ANK3: variants seen among roughly 807,000 people sequenced by gnomAD.
ANK3 encodes ankyrin-3.
Under a neutral mutation model 370.9 loss-of-function variants are expected in ANK3, and 57 were observed. The ratio of observed to expected loss-of-function variants is 0.15; its 90% CI spans 0.12 to 0.19. The LOEUF (loss-of-function observed/expected upper bound fraction) is 0.19. Among genes scored for constraint, ANK3 ranks in the 10% least tolerant of loss-of-function variants. The pLI is 1.00. For missense variants in ANK3, 4,439 were observed against 5,302.1 expected, an observed-to-expected ratio of 0.84 and a Z score of 5.06; for synonymous variants, 1,929 against 1,946.3, an observed-to-expected ratio of 0.99 and a Z score of 0.23.
At chr10:60,050,552 G>GGTTACTTGA (rs1326039682) in intron 42 of ANK3, 2 of 152,146 alleles carry the variant, frequency 1.3e-5, no homozygotes. Flanking sequence ...TTTCTCTCTA[G>GGTTACTTGA]GGCAGTAACC....
intron 1 of ANK3, among the ~76,000 whole-genome samples, chr10:60,671,942 C>A (rs1338451687): frequency 2.0e-5 from 3 of 152,252 alleles, no homozygotes; most frequent in Admixed American, 1.3e-4. Context: ...TAACTGCAGT[C>A]CCAGCTGACA....
At chr10:60,224,924 C>CTT (rs138030293) in intron 8 of ANK3, among the ~76,000 whole-genome samples, 5 of 139,890 alleles carry the variant, frequency 3.6e-5, no homozygotes, top group South Asian at 2.3e-4. Context: ...TTTTTTTTTT[C>CTT]TTTTTTTTTG....
At chr10:60,175,344 C>G (rs1194767979) in intron 18 of ANK3, among the ~76,000 whole-genome samples, 6 of 152,184 alleles carry the variant, frequency 3.9e-5, no homozygotes, top group African/African-American at 1.2e-4. Flanking sequence ...CATTCCCATA[C>G]AAAATAGCAC....
chr10:60,371,206 C>T (rs1429011115), intron 1 of ANK3, among the ~76,000 whole-genome samples: 1 of 152,072 alleles, frequency 6.6e-6, no homozygotes, highest in Admixed American at 6.6e-5. Flanking sequence ...GGTAGATGTG[C>T]CCCTTCATAA....
intron 35 of ANK3, among the ~76,000 whole-genome samples, chr10:60,080,903 A>T (rs1000587046): frequency 8.5e-5 from 13 of 152,346 alleles, no homozygotes; most frequent in African/African-American, 3.1e-4. Flanking sequence ...GGAACTGTTC[A>T]TATTGAAAGC....
At chr10:60,195,777 C>T (rs1263617113) in intron 16 of ANK3, among the ~76,000 whole-genome samples, 9 of 152,148 alleles carry the variant, frequency 5.9e-5, no homozygotes, top group Admixed American at 5.9e-4. Flanking sequence ...AAATAAACAA[C>T]TTGAAGGCAA....
chr10:60,501,705 C>CAAAAAA (rs376934079), intron 2 of ANK3, among the ~76,000 whole-genome samples: 6 of 79,566 alleles, frequency 7.5e-5, no homozygotes, highest in African/African-American at 1.0e-4. Flanking sequence ...GACTCTGTCT[C>CAAAAAA]AAAAAAAAAA....
intron 1 of ANK3, among the ~76,000 whole-genome samples, chr10:60,660,167 G>A (rs1023847324): frequency 6.6e-6 from 1 of 152,072 alleles, no homozygotes; most frequent in African/African-American, 2.4e-5. Flanking sequence ...ATTTTGAGCT[G>A]TGTCAGAATA....
chr10:60,460,282 A>G (rs2133056109), intron 2 of ANK3, among the ~76,000 whole-genome samples: 1 of 152,300 alleles, frequency 6.6e-6, no homozygotes, highest in African/African-American at 2.4e-5. Flanking sequence ...AGAGGCAGAT[A>G]CAATGACTCA....
chr10:60,051,459 T>G (rs1589267759), intron 42 of ANK3: 1 of 980,306 alleles, frequency 1.0e-6, no homozygotes, highest in Non-Finnish European at 1.2e-6. Flanking sequence ...CACATAATGA[T>G]CCAGCTACAG....
intron 28 of ANK3, among the ~76,000 whole-genome samples, chr10:60,097,200 T>A (rs905552615): frequency 2.6e-5 from 4 of 152,134 alleles, no homozygotes; most frequent in African/African-American, 9.7e-5. Context: ...ATTTAGCTCG[T>A]CAGTTTTAGA....
intron 2 of ANK3, among the ~76,000 whole-genome samples, chr10:60,436,162 T>C (rs983748680): frequency 6.6e-6 from 1 of 152,268 alleles, no homozygotes; most frequent in Non-Finnish European, 1.5e-5. Context: ...CTAGTCCTTT[T>C]AACAGCTGAA....
At chr10:60,155,408 C>G (rs76305242) in intron 23 of ANK3, among the ~76,000 whole-genome samples, 1,981 of 152,278 alleles carry the variant, frequency 0.013, 51 homozygotes, top group African/African-American at 0.045. Flanking sequence ...GAATCCTCCA[C>G]CCCAGCAAGA....
Position 60,063,262 on chromosome 10 carries a change from G to A in ANK3, c.12452-8C>T. ...CCGAAGTTAAGGCATCAGCTGAAAA[G>A]GAGAAAAAAAGGTTGAAAACCCAAT... is the stretch of plus-strand genomic sequence containing the variant. On this transcript the variant is annotated splice_polypyrimidine_tract_variant and splice_region_variant and intron_variant, in intron 39 of 43. Transcript: ENST00000280772. The A allele has an allele frequency of 6.3e-7, 1 of 1,598,972 alleles. No homozygotes were observed. The highest frequency in any genetic ancestry group is 8.5e-7 in the Non-Finnish European group (1 of 1,174,382).
intron 23 of ANK3, among the ~76,000 whole-genome samples, chr10:60,150,845 C>CAT (rs987961608): frequency 1.5e-4 from 23 of 151,888 alleles, no homozygotes; most frequent in Admixed American, 3.3e-4. Flanking sequence ...AAATAAACCT[C>CAT]ATATATATAT....
chr10:60,213,528 C>T lies in ANK3; in HGVS notation c.898-18G>A. The T allele has an allele frequency of 6.6e-7, 1 of 1,526,312 alleles. No individual in the cohort carries two copies. The highest frequency in any genetic ancestry group is 9.0e-7 in the Non-Finnish European group (1 of 1,113,906). The allele number at this position is 1,526,312 out of a possible 1,614,324, so 94.5% of individuals were successfully genotyped here. ...AGACCATCCTGTTGAACAAAGGAAACATCACCAATTAAATTTGACAATAAA... is the reference window on the plus strand; with the variant it reads ...AGACCATCCTGTTGAACAAAGGAAATATCACCAATTAAATTTGACAATAAA... On this transcript the variant is annotated intron_variant, in intron 8 of 43. Coordinates refer to ENST00000280772, the MANE Select transcript of ANK3 (RefSeq NM_020987.5).
rs545440357 is a variant in ANK3, at chr10:60,027,870, T to C, written c.*1976A>G. 1.3e-5 allele frequency: 2 copies of C among 152,198 alleles called. No homozygotes were observed. Among genetic ancestry groups the C allele is most frequent in the South Asian group, 4.1e-4 (2 of 4,830 alleles). The allele number at this position is 152,198 out of a possible 1,614,324, so 9.4% of individuals were successfully genotyped here. A position where few individuals can be genotyped will look rare whatever the true frequency, so the allele number is the denominator to read the frequency against. On this transcript the variant is annotated 3_prime_UTR_variant, in exon 44 of 44. Coordinates refer to ENST00000280772, the MANE Select transcript of ANK3 (RefSeq NM_020987.5). Reference sequence around the variant, plus strand: ...AATGAGGCTGTGGCAGTGATACCTGTAGACCCCACACCTGGCTGGAGAGGG... The same window carrying C: ...AATGAGGCTGTGGCAGTGATACCTGCAGACCCCACACCTGGCTGGAGAGGG...
chr10:60,261,196 C>T (rs1310654958), intron 7 of ANK3, among the ~76,000 whole-genome samples: 1 of 152,218 alleles, frequency 6.6e-6, no homozygotes, highest in Non-Finnish European at 1.5e-5. Flanking sequence ...ACTACTTCAT[C>T]CTGCCTCCAG....
intron 16 of ANK3, 26 bp from the exon 17 acceptor site, chr10:60,186,938 A>G: frequency 1.2e-6 from 2 of 1,608,202 alleles, no homozygotes; most frequent in Middle Eastern, 1.7e-4. Context: ...ACTTGGTCAC[A>G]TGCCCAGGAA....
Sources: allele counts gnomAD v4.1 joint callset (sites outside exome capture counted in the v4.1 genomes callset), GRCh38; gene constraint gnomAD v4.1.1; transcripts MANE v1.5; gene names NCBI Gene and HGNC (gene_info 2026-07-23, HGNC 2026-07-21).